The following MARK3 variants were observed in gnomAD, a reference collection of about 807,000 sequenced individuals.
MARK3 encodes microtubule affinity regulating kinase 3.
MARK3 carries 46 observed loss-of-function variants against 90.1 expected under a neutral mutation model. The ratio of observed to expected loss-of-function variants is 0.51; its 90% CI spans 0.40 to 0.65. The LOEUF is 0.65. Among genes scored for constraint, MARK3 ranks in the 30% least tolerant of loss-of-function variants. The probability of loss-of-function intolerance (pLI) is 0.00; values close to 1 mark genes in which losing one functional copy is unlikely to be tolerated. For missense variants in MARK3, 818 were observed against 947.2 expected, an observed-to-expected ratio of 0.86 and a Z score of 1.79; for synonymous variants, 321 against 332.6, an observed-to-expected ratio of 0.97 and a Z score of 0.38.
chr14:103,422,851 A>G (rs932469682), intron 2 of MARK3, among the ~76,000 whole-genome samples: 2 of 152,124 alleles, frequency 1.3e-5, no homozygotes, highest in African/African-American at 4.8e-5. Flanking sequence ...TCCATTTGCT[A>G]TGGATTGAAT....
intron 6 of MARK3, among the ~76,000 whole-genome samples, chr14:103,460,531 A>C (rs2093380819): frequency 6.6e-6 from 1 of 152,170 alleles, no homozygotes; most frequent in Non-Finnish European, 1.5e-5. Flanking sequence ...TCTACCTGGT[A>C]ATAGAATGCA....
Position 103,490,678 on chromosome 14 carries a change from A to G in MARK3, c.1587-1099A>G, listed in dbSNP as rs557121957. ...TATTTTGTGCATACCCTCAGAGGACATTGTCCCTCTCATAGAAACAGATAT... is the reference window on the plus strand; with the variant it reads ...TATTTTGTGCATACCCTCAGAGGACGTTGTCCCTCTCATAGAAACAGATAT... On this transcript the variant is annotated intron_variant, in intron 14 of 17. Coordinates refer to ENST00000429436, the MANE Select transcript of MARK3 (RefSeq NM_001128918.3). The G allele has an allele frequency of 4.2e-4, 67 of 158,324 alleles. 1 individual carries two copies. In the East Asian group the frequency reaches 8.3e-3, roughly 20 times the overall value. The allele number at this position is 158,324 out of a possible 1,614,324, so 9.8% of individuals were successfully genotyped here.
At chr14:103,474,298 A>G (rs974798024) in intron 12 of MARK3, among the ~76,000 whole-genome samples, 1 of 152,194 alleles carries the variant, frequency 6.6e-6, no homozygotes, top group African/African-American at 2.4e-5. Context: ...TTCATTTCCA[A>G]GATTCTTTGC....
At chr14:103,456,246 T>A (rs1270160316) in intron 5 of MARK3, among the ~76,000 whole-genome samples, 1 of 152,184 alleles carries the variant, frequency 6.6e-6, no homozygotes, top group East Asian at 1.9e-4. Flanking sequence ...CTGATCTCCC[T>A]CTTGGTCTTC....
intron 2 of MARK3, chr14:103,412,185 T>G (rs61750904): frequency 0.01 from 13,840 of 1,337,284 alleles, 108 homozygotes; most frequent in Non-Finnish European, 0.012. Flanking sequence ...TCTGCCAGTT[T>G]TTTCTCGAGC....
chr14:103,415,961 A>G (rs867044926), intron 2 of MARK3, among the ~76,000 whole-genome samples: 1 of 152,116 alleles, frequency 6.6e-6, no homozygotes, highest in Admixed American at 6.5e-5. Flanking sequence ...TTCCATATCT[A>G]CATTTCTTTC....
intron 2 of MARK3, among the ~76,000 whole-genome samples, chr14:103,418,270 C>G (rs1281720489): frequency 2.8e-5 from 3 of 106,004 alleles, no homozygotes; most frequent in Non-Finnish European, 5.6e-5. Context: ...GATTTTTGTT[C>G]CCTGCATTGC....
chr14:103,445,053 A>G (rs1431681962), intron 3 of MARK3, among the ~76,000 whole-genome samples: 3 of 152,096 alleles, frequency 2.0e-5, no homozygotes, highest in Non-Finnish European at 4.4e-5. Flanking sequence ...ACTTTTCTAT[A>G]TCAGCAGCTT....
At position 103,475,004 on chromosome 14, in the gene MARK3, A is replaced by T; in HGVS notation, c.1276A>T (p.Ile426Phe). Residue 426 changes from isoleucine to phenylalanine, a missense_variant, in exon 13 of 18, where the codon ATT becomes TTT. Transcript: ENST00000429436. ...RRYSDHAGPA[I>F]PSVVAYPKRS... ...ACTCTTTATTTTAGCTGGACCAGCT[A>T]TTCCTTCTGTTGTGGCGTATCCGAA... is the stretch of plus-strand genomic sequence containing the variant. 1 of 1,612,350 alleles carries T rather than the reference A, an allele frequency of 6.2e-7. No homozygotes were observed. The highest frequency in any genetic ancestry group is 8.5e-7 in the Non-Finnish European group (1 of 1,178,382).
chr14:103,421,769 G>C (rs1303013425), intron 2 of MARK3, among the ~76,000 whole-genome samples: 2 of 152,030 alleles, frequency 1.3e-5, no homozygotes, highest in African/African-American at 4.8e-5. Context: ...CCCTTCTCTT[G>C]GCCATTCTTT....
At chr14:103,450,830 T>C (rs982145510) in intron 4 of MARK3, among the ~76,000 whole-genome samples, 2 of 150,518 alleles carry the variant, frequency 1.3e-5, no homozygotes, top group Non-Finnish European at 2.9e-5. Flanking sequence ...ATATGCACAA[T>C]GGTGATTTGA....
intron 4 of MARK3, among the ~76,000 whole-genome samples, chr14:103,449,600 CTG>C (rs997742969): frequency 2.3e-4 from 35 of 152,056 alleles, no homozygotes; most frequent in Non-Finnish European, 1.2e-4. Flanking sequence ...TCTGTGTCCT[CTG>C]TGTGCACAAC....
At chr14:103,419,152 C>T (rs866018630) in intron 2 of MARK3, among the ~76,000 whole-genome samples, 2 of 152,168 alleles carry the variant, frequency 1.3e-5, no homozygotes, top group South Asian at 4.2e-4. Flanking sequence ...ATTAGCTGGG[C>T]GTGGTGGCGG....
At chr14:103,457,909 C>T (rs2093310047) in intron 6 of MARK3, among the ~76,000 whole-genome samples, 1 of 151,838 alleles carries the variant, frequency 6.6e-6, no homozygotes, top group African/African-American at 2.4e-5. Context: ...TTTCTTTTTC[C>T]CCCTTATTGT....
At chr14:103,454,854 C>T (rs1595755395) in intron 5 of MARK3, among the ~76,000 whole-genome samples, 1 of 152,208 alleles carries the variant, frequency 6.6e-6, no homozygotes, top group Non-Finnish European at 1.5e-5. Flanking sequence ...GAACTAAGGG[C>T]TTTCTGAACT....
At chr14:103,399,478 G>C (rs988446049) in intron 1 of MARK3, among the ~76,000 whole-genome samples, 1 of 152,078 alleles carries the variant, frequency 6.6e-6, no homozygotes, top group African/African-American at 2.4e-5. Flanking sequence ...GGGAGGCCAA[G>C]GCGGGTGGAT....
intron 3 of MARK3, among the ~76,000 whole-genome samples, chr14:103,433,981 T>C (rs1001675328): frequency 5.9e-5 from 9 of 152,290 alleles, no homozygotes; most frequent in Admixed American, 5.9e-4. Context: ...GTTGCCATCA[T>C]TTTGAGTTTC....
chr14:103,412,664 TC>T, intron 2 of MARK3: 3 of 972,100 alleles, frequency 3.1e-6, no homozygotes, highest in Non-Finnish European at 4.6e-6. Context: ...GATCTGCAAC[TC>T]CACCATCTTC....
chr14:103,495,471 T>G (rs1216442837), intron 15 of MARK3, among the ~76,000 whole-genome samples: 1 of 133,800 alleles, frequency 7.5e-6, no homozygotes, highest in Admixed American at 7.4e-5. Flanking sequence ...AGATTGACAC[T>G]CCATCTCAAA....
Sources: allele counts gnomAD v4.1 joint callset (sites outside exome capture counted in the v4.1 genomes callset), GRCh38; gene constraint gnomAD v4.1.1; transcripts MANE v1.5; gene names NCBI Gene and HGNC (gene_info 2026-07-23, HGNC 2026-07-21).